Variants in FNDC1 observed in about 807,000 individuals in gnomAD.
FNDC1 encodes the protein fibronectin type III domain containing 1.
Under a neutral mutation model 168.0 loss-of-function variants are expected in FNDC1, and 96 were observed. That is an observed-to-expected ratio of 0.57 (90% CI 0.48 to 0.68). The LOEUF is 0.68. Ranked by LOEUF, FNDC1 falls within the 30% of genes least tolerant of loss-of-function variation. FNDC1 has a pLI of 0.00. For missense variants in FNDC1, 2,587 were observed against 2,482.1 expected, an observed-to-expected ratio of 1.04 and a Z score of -0.90; for synonymous variants, 1,099 against 1,025.9, an observed-to-expected ratio of 1.07 and a Z score of -1.36.
At chr6:159,248,311 AT>A (rs10715076) in intron 15 of FNDC1, among the ~76,000 whole-genome samples, 12,945 of 147,236 alleles carry the variant, frequency 0.088, 1,017 homozygotes, top group East Asian at 0.33. Flanking sequence ...AGAAAAAAGA[AT>A]TTTTTTTTTT....
chr6:159,174,146 T>C (rs558620738), intron 1 of FNDC1, among the ~76,000 whole-genome samples: 68 of 152,346 alleles, frequency 4.5e-4, no homozygotes, highest in South Asian at 1.9e-3. Context: ...GTGTATGTAT[T>C]TACTTGTAAC....
intron 1 of FNDC1, among the ~76,000 whole-genome samples, chr6:159,191,672 T>C (rs1782143950): frequency 6.6e-6 from 1 of 152,236 alleles, no homozygotes; most frequent in Admixed American, 6.5e-5. Context: ...TTCTAAATGG[T>C]AGACTGACTG....
Position 159,232,234 on chromosome 6 carries a change from C to G in FNDC1, c.1722C>G (p.His574Gln). The G allele has an allele frequency of 1.2e-6, 2 of 1,612,536 alleles. No homozygotes were observed. The highest frequency in any genetic ancestry group is 1.7e-6 in the Non-Finnish European group (2 of 1,179,296). Residue 574 changes from histidine to glutamine, a missense_variant, in exon 11 of 23, where the codon CAC (histidine) becomes CAG (glutamine). His to Gln is a conservative substitution (Grantham distance 24). Coordinates refer to ENST00000297267, the MANE Select transcript of FNDC1 (RefSeq NM_032532.3). The surrounding 1 kb of genome is among the most constrained non-coding windows in gnomAD (Gnocchi z 4.9). The part of the protein sequence containing the change: ...RTLRPPSRHG[H>Q]SVVAPGRTAV... ...TGAGGCCGCCAAGTAGACACGGCCA[C>G]TCGGTGGTTGCTCCCGGCAGGACTG...
rs550528707 is a variant in FNDC1 at position 159,207,846 on chromosome 6, C to T, written c.461-7099C>T. ...AACTTTAAACTAAAACAAACAACCC[C>T]GACAAATCAAAACTCTTTGAACTGA... On this transcript the variant is annotated intron_variant, in intron 4 of 22. Coordinates refer to ENST00000297267, the MANE Select transcript of FNDC1 (RefSeq NM_032532.3). 1.8e-4 allele frequency among the ~76,000 whole-genome samples: 27 copies of T among 152,258 alleles called. No individual in the cohort carries two copies. In the East Asian group the frequency reaches 2.3e-3, roughly 13 times the overall value.
In FNDC1 at chr6:159,172,055, TA is replaced by T. The variant is rs904650486; in HGVS notation, c.109+2358del. Among the ~76,000 whole-genome samples, 88 of 152,184 alleles carry T rather than the reference TA, an allele frequency of 5.8e-4. 1 individual carries two copies. Among genetic ancestry groups the T allele is most frequent in the East Asian group, 7.7e-4 (4 of 5,190 alleles). ...TTGAATTTTGGGGGGACTTTGCAGT[TA>T]AAAAAAATTTGCCAGTTTCATTAAG... On this transcript the variant is annotated intron_variant, in intron 1 of 22. Transcript: ENST00000297267.
chr6:159,265,969 A>G, intron 20 of FNDC1, 115 bp from the exon 21 acceptor site: 1 of 863,694 alleles, frequency 1.2e-6, no homozygotes, highest in South Asian at 1.8e-5. Context: ...CAAACAAACA[A>G]AAAGCCCTGT....
rs755642338 is a variant in FNDC1, at chr6:159,197,453, G to C, written c.132G>C (p.Arg44Ser). Residue 44 changes from arginine to serine, a missense_variant, in exon 2 of 23, where the codon AGG becomes AGC. By Grantham distance (110) the Arg-to-Ser change is moderately radical. Coordinates refer to ENST00000297267, the MANE Select transcript of FNDC1 (RefSeq NM_032532.3). The part of the protein sequence containing the change: ...AASVDHPLKP[R>S]HVKLLSTKMG... ...TAGTTGACCACCCACTGAAGCCAAG[G>C]CATGTGAAACTGCTGTCCACTAAAA... is the stretch of plus-strand genomic sequence containing the variant. 119 of 1,613,150 alleles carry C rather than the reference G, an allele frequency of 7.4e-5. No individual in the cohort carries two copies. The highest frequency in any genetic ancestry group is 9.9e-5 in the Non-Finnish European group (117 of 1,179,608).
chr6:159,179,671 AT>A (rs1781840557), intron 1 of FNDC1, among the ~76,000 whole-genome samples: 2 of 152,116 alleles, frequency 1.3e-5, no homozygotes, highest in Non-Finnish European at 2.9e-5. Context: ...CTTACTTGAT[AT>A]TTGGCTATCT....
chr6:159,238,381 G>A (rs903654601), intron 12 of FNDC1, among the ~76,000 whole-genome samples, 173 bp from the exon 13 acceptor site: 2 of 152,082 alleles, frequency 1.3e-5, no homozygotes, highest in Admixed American at 6.6e-5. Context: ...CACCGCGCCC[G>A]GCCTGTACTT....
At position 159,256,636 on chromosome 6, in the gene FNDC1, G is replaced by A. The variant is rs374988422; in HGVS notation, c.5174+5G>A. Reference sequence around the variant, plus strand: ...GAACCTAAAGCCCAACACGAGGTACGATGTGTCAGTCATTTAGAAAAGATG... The same window carrying A: ...GAACCTAAAGCCCAACACGAGGTACAATGTGTCAGTCATTTAGAAAAGATG... On this transcript the variant is annotated splice_donor_5th_base_variant and intron_variant, in intron 18 of 22. Transcript: ENST00000297267. 10 of 1,592,292 alleles carry A rather than the reference G, an allele frequency of 6.3e-6. No homozygotes were observed. Among genetic ancestry groups the A allele is most frequent in the African/African-American group, 4.0e-5 (3 of 74,498 alleles).
intron 5 of FNDC1, among the ~76,000 whole-genome samples, chr6:159,215,447 T>C (rs1430633607): frequency 1.3e-5 from 2 of 152,224 alleles, no homozygotes; most frequent in Non-Finnish European, 2.9e-5. Context: ...AGGGCCAGTC[T>C]TGTCATCTTG....
At chr6:159,264,033 G>A (rs913905826) in intron 19 of FNDC1, among the ~76,000 whole-genome samples, 2 of 152,208 alleles carry the variant, frequency 1.3e-5, no homozygotes, top group African/African-American at 4.8e-5. Flanking sequence ...TCTCTTAAGT[G>A]GTGTTACTTG....
intron 4 of FNDC1, among the ~76,000 whole-genome samples, chr6:159,202,480 G>C (rs1204666621): frequency 6.6e-6 from 1 of 152,174 alleles, no homozygotes; most frequent in Non-Finnish European, 1.5e-5. Flanking sequence ...TTCATTCAAA[G>C]AGGAATTTGC....
intron 4 of FNDC1, among the ~76,000 whole-genome samples, chr6:159,213,977 T>C (rs1237469113): frequency 6.6e-6 from 1 of 152,256 alleles, no homozygotes; most frequent in African/African-American, 2.4e-5. Context: ...TATGTCTTAG[T>C]GTTGAAATGT....
chr6:159,227,605 C>CT (rs914080165), intron 9 of FNDC1, among the ~76,000 whole-genome samples: 111 of 136,572 alleles, frequency 8.1e-4, no homozygotes, highest in East Asian at 1.3e-3. Context: ...CGTTTTTTCA[C>CT]TTTTTTTTTT....
At chr6:159,255,695 A>G (rs1198489997) in intron 17 of FNDC1, among the ~76,000 whole-genome samples, 1 of 152,252 alleles carries the variant, frequency 6.6e-6, no homozygotes, top group Non-Finnish European at 1.5e-5. Flanking sequence ...CCTACATACT[A>G]GGATCATGAG....
intron 4 of FNDC1, among the ~76,000 whole-genome samples, chr6:159,205,935 A>C (rs1782478420): frequency 6.6e-6 from 1 of 152,214 alleles, no homozygotes; most frequent in Admixed American, 6.5e-5. Flanking sequence ...CCAAAGGTAC[A>C]CAGAAGAAAG....
At position 159,239,763 on chromosome 6, in the gene FNDC1, CG is replaced by C. The variant is rs1234361809; in HGVS notation, c.4428del (p.Thr1477ProfsTer50). The C allele has an allele frequency of 3.2e-4, 10 of 31,056 alleles. No individual in the cohort carries two copies. The highest frequency in any genetic ancestry group is 6.0e-4 in the South Asian group (1 of 1,654). The allele number at this position is 31,056 out of a possible 1,614,324, so 1.9% of individuals were successfully genotyped here. A position where few individuals can be genotyped will look rare whatever the true frequency, so the allele number is the denominator to read the frequency against. ...CCCACCACTGCCACCACCCGCCGCA[CG>C]ACCACCACCCGCCGCACGACCACCA... Reference protein sequence around the residue: ...PRPTTATTRRTTTTRRTTTRR... With the variant: ...PRPTTATTRRXTTTRRTTTRR... On this transcript the variant is annotated frameshift_variant, in exon 14 of 23. Coordinates refer to ENST00000297267, the MANE Select transcript of FNDC1 (RefSeq NM_032532.3). LOFTEE classifies it high-confidence loss of function.
At chr6:159,248,940 G>T in intron 15 of FNDC1, 99 bp from the exon 16 acceptor site, 1 of 1,098,990 alleles carries the variant, frequency 9.1e-7, no homozygotes, top group Non-Finnish European at 1.3e-6. Context: ...TGTCTGTCTG[G>T]GTTTCAGCCT....
Sources: allele counts gnomAD v4.1 joint callset (sites outside exome capture counted in the v4.1 genomes callset), GRCh38; gene constraint gnomAD v4.1.1; non-coding constraint Gnocchi (gnomAD v3.1); transcripts MANE v1.5; gene names NCBI Gene and HGNC (gene_info 2026-07-23, HGNC 2026-07-21).